Variants in ARL15 observed in about 807,000 individuals in gnomAD.
ARL15 encodes ADP-ribosylation factor-like protein 15.
A neutral mutation model predicts 25.2 loss-of-function variants in ARL15; 19 were observed. The observed-to-expected ratio is 0.75, with a 90% confidence interval of 0.53 to 1.10. ARL15 has a LOEUF of 1.10. Among genes scored for constraint, ARL15 ranks in the 50% least tolerant of loss-of-function variants. The probability of loss-of-function intolerance (pLI) is 0.00; values close to 1 mark genes in which losing one functional copy is unlikely to be tolerated. For missense variants in ARL15, 220 were observed against 246.0 expected (o/e 0.89, Z 0.71); for synonymous variants, 94 against 86.8 (o/e 1.08, Z -0.46).
At chr5:53,995,303 CAAAA>C (rs34234639) in intron 4 of ARL15, among the ~76,000 whole-genome samples, 60 of 44,690 alleles carry the variant, frequency 1.3e-3, no homozygotes, top group Middle Eastern at 0.014. Flanking sequence ...GACTCCGTCA[CAAAA>C]AAAAAAAAAA....
At chr5:53,935,050 A>C (rs898463806) in intron 4 of ARL15, among the ~76,000 whole-genome samples, 2 of 152,264 alleles carry the variant, frequency 1.3e-5, no homozygotes, top group Admixed American at 1.3e-4. Flanking sequence ...GGAACTGAAG[A>C]GTCAACAGGG....
At chr5:53,953,441 G>T (rs1020084275) in intron 4 of ARL15, among the ~76,000 whole-genome samples, 3 of 152,180 alleles carry the variant, frequency 2.0e-5, no homozygotes, top group Admixed American at 6.5e-5. Flanking sequence ...AAAGTAGATT[G>T]AGTTGTTTGT....
chr5:54,303,959 G>A (rs1172437025), intron 1 of ARL15, among the ~76,000 whole-genome samples: 1 of 152,128 alleles, frequency 6.6e-6, no homozygotes, highest in Non-Finnish European at 1.5e-5. Flanking sequence ...GGAGTTCCCA[G>A]CACACAACAT....
intron 4 of ARL15, among the ~76,000 whole-genome samples, chr5:54,042,425 C>T (rs555616535): frequency 6.6e-6 from 1 of 152,262 alleles, no homozygotes; most frequent in South Asian, 2.1e-4. Flanking sequence ...ATTTGGAAGG[C>T]AGTGAAATGA....
chr5:53,938,734 C>T (rs1336088461), intron 4 of ARL15, among the ~76,000 whole-genome samples: 1 of 152,166 alleles, frequency 6.6e-6, no homozygotes, highest in Non-Finnish European at 1.5e-5. Flanking sequence ...GTTCCAGTTA[C>T]TTGGGAGGCT....
At chr5:54,277,553 C>T (rs951931030) in intron 1 of ARL15, among the ~76,000 whole-genome samples, 76 of 152,232 alleles carry the variant, frequency 5.0e-4, no homozygotes, top group African/African-American at 1.7e-3. Flanking sequence ...AGATTGAGAC[C>T]ATCCTAGCTA....
At chr5:54,211,547 G>A (rs1324615585) in intron 1 of ARL15, among the ~76,000 whole-genome samples, 6 of 140,404 alleles carry the variant, frequency 4.3e-5, no homozygotes, top group Middle Eastern at 4.2e-3. Flanking sequence ...CTCAGCTCAC[G>A]GCAACCTCTG....
At chr5:54,071,074 G>A (rs779729835) in intron 4 of ARL15, among the ~76,000 whole-genome samples, 7 of 151,744 alleles carry the variant, frequency 4.6e-5, no homozygotes, top group Non-Finnish European at 8.8e-5. Flanking sequence ...GGAGGCTGAG[G>A]TGCAAGGATC....
At chr5:54,013,932 GC>G (rs1476018298) in intron 4 of ARL15, among the ~76,000 whole-genome samples, 4 of 152,054 alleles carry the variant, frequency 2.6e-5, no homozygotes, top group African/African-American at 9.7e-5. Flanking sequence ...CTTCCACTAG[GC>G]TGCCTTGCAA....
chr5:54,035,611 G>A (rs1350309714), intron 4 of ARL15, among the ~76,000 whole-genome samples: 1 of 152,076 alleles, frequency 6.6e-6, no homozygotes, highest in East Asian at 1.9e-4. Context: ...GGAATATCCA[G>A]GAACTAGACA....
intron 4 of ARL15, among the ~76,000 whole-genome samples, chr5:53,935,374 G>A (rs76021976): frequency 0.087 from 13,194 of 152,182 alleles, 893 homozygotes; most frequent in East Asian, 0.33. Context: ...TAACAAAAAA[G>A]AAAATAAACA....
At chr5:53,941,307 C>A (rs184902213) in intron 4 of ARL15, among the ~76,000 whole-genome samples, 4 of 152,016 alleles carry the variant, frequency 2.6e-5, no homozygotes, top group Admixed American at 2.6e-4. Flanking sequence ...TACAGAACTA[C>A]GTGGAAAACT....
chr5:54,231,890 G>A (rs1041342768), intron 1 of ARL15, among the ~76,000 whole-genome samples: 3 of 152,050 alleles, frequency 2.0e-5, no homozygotes, highest in Non-Finnish European at 2.9e-5. Context: ...ATCTCCAAAC[G>A]TAGTCACTGG....
chr5:54,165,738 T>TATATATA (rs1754544032), intron 2 of ARL15, among the ~76,000 whole-genome samples: 1 of 147,910 alleles, frequency 6.8e-6, no homozygotes, highest in African/African-American at 2.5e-5. Context: ...ATACCTTTGT[T>TATATATA]TATATATATA....
At chr5:54,099,949 C>A (rs1400730446) in intron 4 of ARL15, among the ~76,000 whole-genome samples, 1 of 152,046 alleles carries the variant, frequency 6.6e-6, no homozygotes, top group Non-Finnish European at 1.5e-5. Context: ...ATCTCCAAAC[C>A]AAAGTGCCAA....
intron 4 of ARL15, among the ~76,000 whole-genome samples, chr5:53,999,370 CCT>C (rs1191310305): frequency 2.0e-5 from 3 of 151,944 alleles, no homozygotes; most frequent in Admixed American, 6.6e-5. Context: ...AGGTGGATCA[CCT>C]GAGGTCGGCA....
intron 4 of ARL15, among the ~76,000 whole-genome samples, chr5:54,100,517 C>T (rs1178466471): frequency 6.6e-6 from 1 of 151,962 alleles, no homozygotes; most frequent in Admixed American, 6.6e-5. Flanking sequence ...TAGATGTTTA[C>T]CTCATGCAAT....
chr5:54,084,046 A>T (rs964582000), intron 4 of ARL15, among the ~76,000 whole-genome samples: 2 of 152,190 alleles, frequency 1.3e-5, no homozygotes, highest in African/African-American at 2.4e-5. Flanking sequence ...CAAGGGGCTG[A>T]GTCGCCCAGT....
chr5:54,033,274 C>T (rs1750052040), intron 4 of ARL15, among the ~76,000 whole-genome samples: 1 of 151,842 alleles, frequency 6.6e-6, no homozygotes, highest in Admixed American at 6.6e-5. Flanking sequence ...GATCACACCA[C>T]TGCACTCCAG....
Sources: allele counts gnomAD v4.1 joint callset (sites outside exome capture counted in the v4.1 genomes callset), GRCh38; gene constraint gnomAD v4.1.1; transcripts MANE v1.5; gene names NCBI Gene and HGNC (gene_info 2026-07-23, HGNC 2026-07-21).